The following YY1 variants were observed in gnomAD, a reference collection of about 807,000 sequenced individuals.
The protein encoded by YY1 is transcriptional repressor protein YY1.
A neutral mutation model predicts 35.6 loss-of-function variants in YY1; 2 were observed. The ratio of observed to expected loss-of-function variants is 0.06; its 90% CI spans 0.02 to 0.18. The LOEUF (loss-of-function observed/expected upper bound fraction) is 0.18. YY1 is among the 10% of genes least tolerant of loss of function. YY1 has a pLI of 1.00. For synonymous variants in YY1, 268 were observed against 238.9 expected, an observed-to-expected ratio of 1.12 and a Z score of -1.12; for missense variants, 322 against 573.4, an observed-to-expected ratio of 0.56 and a Z score of 4.48.
At chr14:100,259,647 A>C (rs1891053263) in intron 1 of YY1, among the ~76,000 whole-genome samples, 1 of 152,224 alleles carries the variant, frequency 6.6e-6, no homozygotes, top group Non-Finnish European at 1.5e-5. Context: ...CATGCCCTCA[A>C]ATTCTCTAGA....
intron 1 of YY1, among the ~76,000 whole-genome samples, chr14:100,242,986 T>C (rs1011316836): frequency 2.6e-5 from 4 of 152,258 alleles, no homozygotes; most frequent in East Asian, 1.9e-4. Context: ...AGGGTAGTTA[T>C]AAATATTTGA....
intron 1 of YY1, among the ~76,000 whole-genome samples, chr14:100,260,446 T>TATATATAC (rs147681029): frequency 1.4e-5 from 2 of 139,410 alleles, no homozygotes; most frequent in East Asian, 2.1e-4. Context: ...TATATATATA[T>TATATATAC]ACACACACAC....
rs1045706594 is a variant in YY1, at chr14:100,277,801, T to C, written c.*201T>C. 8.2e-6 allele frequency: 5 copies of C among 609,502 alleles called. No homozygotes were observed. The highest frequency in any genetic ancestry group is 2.1e-5 in the South Asian group (1 of 47,786). The allele number at this position is 609,502 out of a possible 1,614,324, so 37.8% of individuals were successfully genotyped here. On this transcript the variant is annotated 3_prime_UTR_variant, in exon 5 of 5. Transcript: ENST00000262238. This position sits in a 1 kb window ranked among gnomAD's most constrained non-coding sequence, Gnocchi z 5.6. Reference sequence around the variant, plus strand: ...AAGATGACATTGCTAAGATGCTCTATCTTGCTCTGTAATCTCGTTTCAAAA... The same window carrying C: ...AAGATGACATTGCTAAGATGCTCTACCTTGCTCTGTAATCTCGTTTCAAAA...
intron 1 of YY1, among the ~76,000 whole-genome samples, chr14:100,261,607 A>G (rs926827978): frequency 2.6e-5 from 4 of 152,170 alleles, no homozygotes; most frequent in African/African-American, 9.7e-5. Flanking sequence ...TAGTGGGAGG[A>G]TGACAAAAAT....
At chr14:100,247,618 G>A (rs1389857189) in intron 1 of YY1, among the ~76,000 whole-genome samples, 1 of 152,170 alleles carries the variant, frequency 6.6e-6, no homozygotes, top group East Asian at 1.9e-4. Flanking sequence ...AATTACTGCA[G>A]AGTATTAGGA....
intron 1 of YY1, among the ~76,000 whole-genome samples, chr14:100,247,237 A>G (rs1330568045): frequency 6.6e-6 from 1 of 152,250 alleles, no homozygotes; most frequent in Non-Finnish European, 1.5e-5. Flanking sequence ...AGGTTATATT[A>G]GCAAAGCAGT....
At chr14:100,242,498 C>A (rs1890765454) in intron 1 of YY1, among the ~76,000 whole-genome samples, 2 of 149,298 alleles carry the variant, frequency 1.3e-5, no homozygotes, top group South Asian at 4.3e-4. Context: ...ACGCCATTCT[C>A]CTGCCTCACC....
chr14:100,254,466 T>C (rs1890971161), intron 1 of YY1, among the ~76,000 whole-genome samples: 1 of 152,050 alleles, frequency 6.6e-6, no homozygotes, highest in African/African-American at 2.4e-5. Flanking sequence ...TTTTCTCTTT[T>C]CTTTTCTTTT....
chr14:100,247,023 C>G (rs1186491831), intron 1 of YY1, among the ~76,000 whole-genome samples: 2 of 152,162 alleles, frequency 1.3e-5, no homozygotes, highest in Non-Finnish European at 2.9e-5. Flanking sequence ...ACTGACTCCC[C>G]CTAGTGGGAA....
chr14:100,242,587 A>G (rs1169738427), intron 1 of YY1, among the ~76,000 whole-genome samples: 1 of 151,380 alleles, frequency 6.6e-6, no homozygotes, highest in African/African-American at 2.4e-5. Flanking sequence ...ACAGGGTTTC[A>G]CCATGTTAGC....
chr14:100,267,020 G>T (rs991125600), intron 2 of YY1, among the ~76,000 whole-genome samples: 3 of 152,190 alleles, frequency 2.0e-5, no homozygotes, highest in African/African-American at 7.2e-5. Flanking sequence ...ATTTAGAATA[G>T]AAAGTTGGCT....
In YY1 at chr14:100,278,123, T is replaced by C. The variant is rs534066844; in HGVS notation, c.*523T>C. On this transcript the variant is annotated 3_prime_UTR_variant, in exon 5 of 5. Coordinates refer to ENST00000262238, the MANE Select transcript of YY1 (RefSeq NM_003403.5). ...GGCAGTTACATGCATACTTCAAAAG[T>C]ATTTTCCTGTAAAAAAAAAAAAGTT... is the stretch of plus-strand genomic sequence containing the variant. 6.6e-6 allele frequency: 1 copy of C among 150,956 alleles called. No homozygotes were observed. The highest frequency in any genetic ancestry group is 2.0e-4 in the South Asian group (1 of 5,040). 9.4% of individuals were successfully genotyped at this position (150,956 alleles called of 1,614,324 possible).
chr14:100,273,444 A>G (rs536172296), intron 2 of YY1, among the ~76,000 whole-genome samples: 43 of 152,292 alleles, frequency 2.8e-4, no homozygotes, highest in Non-Finnish European at 5.4e-4. Flanking sequence ...ACACACCACC[A>G]TGCCTGGCTG....
intron 1 of YY1, among the ~76,000 whole-genome samples, chr14:100,254,105 G>C (rs1890965733): frequency 2.0e-5 from 3 of 151,952 alleles, no homozygotes. Context: ...CAAAGTGCTG[G>C]GATTATAGGC....
chr14:100,270,308 ACT>A (rs1466174682), intron 2 of YY1, among the ~76,000 whole-genome samples: 3 of 145,442 alleles, frequency 2.1e-5, no homozygotes, highest in African/African-American at 5.1e-5. Flanking sequence ...ACTAGGAATA[ACT>A]CTAGCAAAAT....
chr14:100,240,055 T>TGCGGCGGCGGGGGCGCGGCG (rs1291480228), intron 1 of YY1, 132 bp downstream of exon 1: 4 of 638,562 alleles, frequency 6.3e-6, no homozygotes, highest in African/African-American at 4.2e-5. Flanking sequence ...TGGCGGGCCG[T>TGCGGCGGCGGGGGCGCGGCG]GCGGCGGCGG....
chr14:100,249,077 T>G (rs1383909029), intron 1 of YY1, among the ~76,000 whole-genome samples: 1 of 149,934 alleles, frequency 6.7e-6, no homozygotes, highest in Admixed American at 6.7e-5. Context: ...AATGGTTGTT[T>G]GTGATGGACT....
At chr14:100,251,069 T>G (rs1249002373) in intron 1 of YY1, among the ~76,000 whole-genome samples, 1 of 152,112 alleles carries the variant, frequency 6.6e-6, no homozygotes, top group African/African-American at 2.4e-5. Context: ...ACTGGTTGAC[T>G]GGTTGACTGA....
intron 1 of YY1, among the ~76,000 whole-genome samples, chr14:100,253,389 G>C (rs913892299): frequency 2.6e-5 from 4 of 152,120 alleles, no homozygotes; most frequent in Non-Finnish European, 5.9e-5. Flanking sequence ...ATTTTTAGTA[G>C]CAATGGAGGT....
Sources: gnomAD v4.1 joint callset for allele counts (sites outside exome capture counted in the v4.1 genomes callset) on GRCh38, gnomAD v4.1.1 for gene constraint, Gnocchi (gnomAD v3.1) non-coding constraint, MANE v1.5 for transcripts, NCBI Gene and HGNC (gene_info 2026-07-23, HGNC 2026-07-21) for gene names.